KHSRP: variants seen among roughly 807,000 people sequenced by gnomAD.
KHSRP encodes the protein KH-type splicing regulatory protein, also known as far upstream element-binding protein 2.
KHSRP carries 13 observed loss-of-function variants against 94.9 expected under a neutral mutation model. That is an observed-to-expected ratio of 0.14 (90% confidence interval 0.09 to 0.22). The LOEUF (loss-of-function observed/expected upper bound fraction) is 0.22, where lower values mean the gene tolerates loss of function less well. KHSRP is among the 10% of genes least tolerant of loss of function. KHSRP has a pLI of 1.00. For missense variants in KHSRP, 710 were observed against 1,010.0 expected (o/e 0.70, Z 4.03); for synonymous variants, 495 against 401.4 (o/e 1.23, Z -2.79).
chr19:6,414,113 C>T lies in KHSRP; in HGVS notation c.*911G>A. The T allele has an allele frequency of 3.2e-6, 5 of 1,556,660 alleles. No homozygotes were observed. The highest frequency in any genetic ancestry group is 4.4e-6 in the Non-Finnish European group (5 of 1,144,236). Reference sequence around the variant, plus strand: ...TGAAGAAGTTCACATTCATTCGATTCATTGAGCCTGCGGAGAGGGAAGAGA... The same window carrying T: ...TGAAGAAGTTCACATTCATTCGATTTATTGAGCCTGCGGAGAGGGAAGAGA... On this transcript the variant is annotated 3_prime_UTR_variant, in exon 19 of 19. Transcript: ENST00000600480.
In KHSRP at chr19:6,414,216, G is replaced by A. The variant is rs1166837941; in HGVS notation, c.*808C>T. The A allele has an allele frequency of 6.5e-6, 10 of 1,526,866 alleles. No individual in the cohort carries two copies. The highest frequency in any genetic ancestry group is 7.0e-6 in the Non-Finnish European group (8 of 1,137,276). The allele number at this position is 1,526,866 out of a possible 1,614,324, so 94.6% of individuals were successfully genotyped here. On this transcript the variant is annotated 3_prime_UTR_variant, in exon 19 of 19. Transcript: ENST00000600480. The stretch of plus-strand genomic sequence containing the variant: ...GAGGAGGGGCTGGAACACCGTGGGG[G>A]GGGCCAGGAAGCCCCCTCCCAAACC...
Position 6,417,731 on chromosome 19 carries a change from G to A in KHSRP, c.1081+8C>T. On this transcript the variant is annotated splice_region_variant and intron_variant, in intron 11 of 18. Coordinates refer to ENST00000600480, the MANE Select transcript of KHSRP (RefSeq NM_001366299.1). ...ACTGGCCAGGGGCAGGGTGGGCCAG[G>A]CCCTGACCTTGCTTGAACTGTATCC... 1 of 1,611,084 alleles carries A rather than the reference G, an allele frequency of 6.2e-7. No individual in the cohort carries two copies. The highest frequency in any genetic ancestry group is 8.5e-7 in the Non-Finnish European group (1 of 1,177,562).
chr19:6,414,776 T>C lies in KHSRP; in HGVS notation c.*248A>G. The C allele has an allele frequency of 8.9e-7, 1 of 1,129,080 alleles. No individual in the cohort carries two copies. The highest frequency in any genetic ancestry group is 3.8e-5 in the South Asian group (1 of 26,490). The allele number at this position is 1,129,080 out of a possible 1,614,324, so 69.9% of individuals were successfully genotyped here. A position where few individuals can be genotyped will look rare whatever the true frequency, so the allele number is the denominator to read the frequency against. On this transcript the variant is annotated 3_prime_UTR_variant, in exon 19 of 19. Coordinates refer to ENST00000600480, the MANE Select transcript of KHSRP (RefSeq NM_001366299.1). ...GTTTTCTTCCCAAGTGGCCAGATTGTGAGCGAGGTGGTGGCGGCCGGGCCG... is the reference window on the plus strand; with the variant it reads ...GTTTTCTTCCCAAGTGGCCAGATTGCGAGCGAGGTGGTGGCGGCCGGGCCG...
intron 1 of KHSRP, among the ~76,000 whole-genome samples, chr19:6,422,966 C>T (rs1309820914): frequency 6.6e-6 from 1 of 152,090 alleles, no homozygotes; most frequent in Non-Finnish European, 1.5e-5. Flanking sequence ...ATATGAAATC[C>T]TCATTTGACC....
In KHSRP at chr19:6,415,671, T is replaced by C; in HGVS notation, c.1751A>G (p.Tyr584Cys). The stretch of plus-strand genomic sequence containing the variant: ...GGGGACGGGGCCCGGGGGCTGCTGG[T>C]AGTAGTGTGAGTAGTAGGCGGCCCA... ...AAWAAYYSHY[Y>C]QQPPGPVPGP... Residue 584 changes from tyrosine (Y) to cysteine (C), a missense_variant, in exon 17 of 19, where the codon TAC (tyrosine) becomes TGC (cysteine). Physicochemically the swap from Tyr to Cys is radical, Grantham distance 194. Around this residue, in one of 5 missense-constraint regions of KHSRP, gnomAD observed 292 missense variants for 340.5 expected, o/e 0.86. Transcript: ENST00000600480. 1 of 1,545,318 alleles carries C rather than the reference T, an allele frequency of 6.5e-7. No homozygotes were observed. The highest frequency in any genetic ancestry group is 1.8e-4 in the Middle Eastern group (1 of 5,522).
chr19:6,414,034 A>G lies in KHSRP; in HGVS notation c.*990T>C. 6.5e-7 allele frequency: 1 copy of G among 1,537,128 alleles called. No individual in the cohort carries two copies. Among genetic ancestry groups the G allele is most frequent in the Admixed American group, 2.1e-5 (1 of 47,244 alleles). On this transcript the variant is annotated 3_prime_UTR_variant, in exon 19 of 19. Coordinates refer to ENST00000600480, the MANE Select transcript of KHSRP (RefSeq NM_001366299.1). ...GGCAGCCATCGCTCTCTCGCCAAACAAAACAGAAGCCCCCAAACAGAACAA... is the reference window on the plus strand; with the variant it reads ...GGCAGCCATCGCTCTCTCGCCAAACGAAACAGAAGCCCCCAAACAGAACAA...
intron 1 of KHSRP, 65 bp from the exon 2 acceptor site, chr19:6,422,501 A>T (rs2092201265): frequency 8.8e-7 from 1 of 1,138,876 alleles, no homozygotes; most frequent in Non-Finnish European, 1.3e-6. Flanking sequence ...CACCCAGGTC[A>T]ACTTCTCAGA....
intron 6 of KHSRP, 94 bp from the exon 7 acceptor site, chr19:6,419,354 C>A: frequency 8.9e-7 from 1 of 1,120,760 alleles, no homozygotes; most frequent in Non-Finnish European, 1.3e-6. Context: ...CAACCAAGGG[C>A]CACTTCTGTC....
At position 6,418,140 on chromosome 19, in the gene KHSRP, T is replaced by C; in HGVS notation, c.880-61A>G. On this transcript the variant is annotated intron_variant, in intron 9 of 18. Coordinates refer to ENST00000600480, the MANE Select transcript of KHSRP (RefSeq NM_001366299.1). This position sits in a 1 kb window ranked among gnomAD's most constrained non-coding sequence, Gnocchi z 4.3. The stretch of plus-strand genomic sequence containing the variant: ...CCCTGCTGCCCCACACCCCCCCACC[T>C]CCTCGGGGGTGCGGGCCTCAACTAA... The C allele has an allele frequency of 6.9e-7, 1 of 1,449,572 alleles. No individual in the cohort carries two copies. The highest frequency in any genetic ancestry group is 1.7e-5 in the Admixed American group (1 of 57,158). 89.8% of individuals were successfully genotyped at this position (1,449,572 alleles called of 1,614,324 possible). A position where few individuals can be genotyped will look rare whatever the true frequency, so the allele number is the denominator to read the frequency against.
At position 6,414,889 on chromosome 19, in the gene KHSRP, A is replaced by T; in HGVS notation, c.*135T>A. On this transcript the variant is annotated 3_prime_UTR_variant, in exon 19 of 19. Coordinates refer to ENST00000600480, the MANE Select transcript of KHSRP (RefSeq NM_001366299.1). ...GCGAGTCTCAGCGCTCCCCAGCATC[A>T]CGACAGCGGCACACAGGAACAAGCA... The T allele has an allele frequency of 7.3e-7, 1 of 1,362,158 alleles. No homozygotes were observed. 84.4% of individuals were successfully genotyped at this position (1,362,158 alleles called of 1,614,324 possible). A position where few individuals can be genotyped will look rare whatever the true frequency, so the allele number is the denominator to read the frequency against.
rs778347343 is a variant in KHSRP at position 6,421,262 on chromosome 19, C to T, written c.425+16G>A. 6 of 1,578,658 alleles carry T rather than the reference C, an allele frequency of 3.8e-6. No individual in the cohort carries two copies. The highest frequency in any genetic ancestry group is 5.2e-6 in the Non-Finnish European group (6 of 1,162,466). ...CCAACAGACAAGAAAGCAGTGTGGG[C>T]CCCACCATGGCTTACCTTGGGGGAG... is the stretch of plus-strand genomic sequence containing the variant. On this transcript the variant is annotated intron_variant, in intron 4 of 18. Coordinates refer to ENST00000600480, the MANE Select transcript of KHSRP (RefSeq NM_001366299.1).
chr19:6,413,134 A>AG lies in KHSRP; in HGVS notation c.*1889_*1890insC, dbSNP rs1184438128. ...TAAACAAAAAGCACTTTATTTAACA[A>AG]AAAAAAAAAAGGGGGGGGGGCACGG... On this transcript the variant is annotated 3_prime_UTR_variant, in exon 19 of 19. Coordinates refer to ENST00000600480, the MANE Select transcript of KHSRP (RefSeq NM_001366299.1). Among the ~76,000 whole-genome samples, 1 of 12,428 alleles carries AG rather than the reference A, an allele frequency of 8.0e-5. No individual in the cohort carries two copies. The highest frequency in any genetic ancestry group is 1.5e-4 in the Non-Finnish European group (1 of 6,484). 8.2% of individuals were successfully genotyped at this position (12,428 alleles called of 152,430 possible). A position where few individuals can be genotyped will look rare whatever the true frequency, so the allele number is the denominator to read the frequency against.
In KHSRP at chr19:6,414,360, A is replaced by C. The variant is rs2145109285; in HGVS notation, c.*664T>G. 1 of 1,363,392 alleles carries C rather than the reference A, an allele frequency of 7.3e-7. No individual in the cohort carries two copies. Among genetic ancestry groups the C allele is most frequent in the Non-Finnish European group, 9.5e-7 (1 of 1,054,394 alleles). 84.5% of individuals were successfully genotyped at this position (1,363,392 alleles called of 1,614,324 possible). On this transcript the variant is annotated 3_prime_UTR_variant, in exon 19 of 19. Transcript: ENST00000600480. ...GAGGGACAGAGCAGGAAGAGAGGAG[A>C]GGGGCCGCGGAGGGCGGAGGCGCTA...
At position 6,422,384 on chromosome 19, in the gene KHSRP, G is replaced by T; in HGVS notation, c.302C>A (p.Pro101His). 1 of 1,613,852 alleles carries T rather than the reference G, an allele frequency of 6.2e-7. No individual in the cohort carries two copies. Among genetic ancestry groups the T allele is most frequent in the South Asian group, 1.1e-5 (1 of 91,078 alleles). ...CTTTTGGCCCCCAAAACCAAAATCA[G>T]GAGTGCTGTTATTCACTGTCGTGGC... ...DAATTVNNST[P>H]DFGFGGQKRQ... The change falls in exon 2 of 19, where the codon CCT (proline) becomes CAT (histidine). Residue 101 changes from proline to histidine, a missense_variant. Around this residue, in one of 5 missense-constraint regions of KHSRP, gnomAD observed 288 missense variants for 501.1 expected, o/e 0.57. Transcript: ENST00000600480.
At chr19:6,423,008 T>C (rs2092204343) in intron 1 of KHSRP, among the ~76,000 whole-genome samples, 1 of 152,206 alleles carries the variant, frequency 6.6e-6, no homozygotes, top group African/African-American at 2.4e-5. Context: ...GGCTGGGCAC[T>C]GTGACTTATG....
At chr19:6,416,151 G>A (rs2092144587) in intron 15 of KHSRP, 147 bp downstream of exon 15, 1 of 676,990 alleles carries the variant, frequency 1.5e-6, no homozygotes, top group Non-Finnish European at 2.5e-6. Context: ...CAGTAGACAG[G>A]AGAGGGCCTG....
At position 6,413,337 on chromosome 19, in the gene KHSRP, C is replaced by G. The variant is rs543928151; in HGVS notation, c.*1687G>C. 2.9e-6 allele frequency: 1 copy of G among 343,142 alleles called. No homozygotes were observed. Among genetic ancestry groups the G allele is most frequent in the Non-Finnish European group, 5.8e-6 (1 of 171,658 alleles). 21.3% of individuals were successfully genotyped at this position (343,142 alleles called of 1,614,324 possible). ...GGAAAGGGGGGGAGACAGACAGCACCCGCAGACGGGGAGGTTTTGTTATCA... is the reference window on the plus strand; with the variant it reads ...GGAAAGGGGGGGAGACAGACAGCACGCGCAGACGGGGAGGTTTTGTTATCA... On this transcript the variant is annotated 3_prime_UTR_variant, in exon 19 of 19. Coordinates refer to ENST00000600480, the MANE Select transcript of KHSRP (RefSeq NM_001366299.1).
intron 4 of KHSRP, 49 bp downstream of exon 4, chr19:6,421,229 T>C: frequency 6.5e-7 from 1 of 1,535,544 alleles, no homozygotes. Context: ...GAAAGGCCAG[T>C]CTGCTGGCCA....
chr19:6,419,596 G>C (rs149839609), intron 6 of KHSRP, among the ~76,000 whole-genome samples: 2 of 152,334 alleles, frequency 1.3e-5, no homozygotes, highest in Non-Finnish European at 2.9e-5. Flanking sequence ...GGAAGCCTCA[G>C]AACCCCCTAC....
Sources: allele counts gnomAD v4.1 joint callset (sites outside exome capture counted in the v4.1 genomes callset), GRCh38; gene constraint gnomAD v4.1.1; regional missense constraint gnomAD v4.1.1; non-coding constraint Gnocchi (gnomAD v3.1); transcripts MANE v1.5; gene names NCBI Gene and HGNC (gene_info 2026-07-23, HGNC 2026-07-21).